SORCS1: variants seen among roughly 807,000 people sequenced by gnomAD.
SORCS1 encodes the protein VPS10 domain-containing receptor SorCS1.
In SORCS1, 60 loss-of-function variants were observed where a neutral mutation model predicts 146.1. The ratio of observed to expected loss-of-function variants is 0.41; its 90% CI spans 0.33 to 0.51. The LOEUF is 0.51. SORCS1 is among the 20% of genes least tolerant of loss of function. SORCS1 has a pLI of 0.21. For missense variants in SORCS1, 1,352 were observed against 1,487.6 expected, an observed-to-expected ratio of 0.91 and a Z score of 1.50; for synonymous variants, 637 against 584.0, an observed-to-expected ratio of 1.09 and a Z score of -1.31.
At chr10:106,833,049 T>C (rs1458820483) in intron 2 of SORCS1, among the ~76,000 whole-genome samples, 2 of 151,724 alleles carry the variant, frequency 1.3e-5, no homozygotes, top group East Asian at 3.9e-4. Flanking sequence ...TAAACTCTAA[T>C]CCCAATGTGA....
chr10:107,150,003 A>G (rs1968640850), intron 1 of SORCS1, among the ~76,000 whole-genome samples: 3 of 152,220 alleles, frequency 2.0e-5, no homozygotes, highest in Admixed American at 2.0e-4. Flanking sequence ...CCTCCCACTC[A>G]GGCAAAATTA....
chr10:106,921,856 T>G (rs187639177), intron 2 of SORCS1, among the ~76,000 whole-genome samples: 19 of 152,348 alleles, frequency 1.2e-4, no homozygotes, highest in Non-Finnish European at 1.3e-4. Context: ...TTCTTTGCTA[T>G]GTTGCCTGCA....
At chr10:107,007,381 G>C (rs949170209) in intron 1 of SORCS1, among the ~76,000 whole-genome samples, 2 of 152,142 alleles carry the variant, frequency 1.3e-5, no homozygotes, top group Non-Finnish European at 2.9e-5. Context: ...TTAAAACCGA[G>C]CTGCCATGCT....
chr10:106,992,350 T>G (rs769823667), intron 1 of SORCS1, among the ~76,000 whole-genome samples: 11 of 152,170 alleles, frequency 7.2e-5, no homozygotes, highest in Non-Finnish European at 1.5e-4. Context: ...GGTTTTGGAC[T>G]TAAAAGCAAT....
At chr10:106,882,245 T>C (rs917676463) in intron 2 of SORCS1, among the ~76,000 whole-genome samples, 1 of 151,516 alleles carries the variant, frequency 6.6e-6, no homozygotes, top group African/African-American at 2.4e-5. Flanking sequence ...ACACATAAAA[T>C]ACACTAACAT....
chr10:106,579,338 G>A lies in SORCS1; in HGVS notation c.3371+31C>T, dbSNP rs182934530. ...TGTCAGGGAGAAGGAAGAGGTCAGGGGTGGGGGAACGTGGATAGAGGGACA... is the reference window on the plus strand; with the variant it reads ...TGTCAGGGAGAAGGAAGAGGTCAGGAGTGGGGGAACGTGGATAGAGGGACA... On this transcript the variant is annotated intron_variant, in intron 25 of 25. Transcript: ENST00000263054. 6,061 of 1,613,964 alleles carry A rather than the reference G, an allele frequency of 3.8e-3. 18 individuals are homozygous for A. The highest frequency in any genetic ancestry group is 4.3e-3 in the Non-Finnish European group (5,076 of 1,179,946).
intron 8 of SORCS1, among the ~76,000 whole-genome samples, chr10:106,701,281 A>C (rs2135758305): frequency 6.6e-6 from 1 of 152,252 alleles, no homozygotes; most frequent in African/African-American, 2.4e-5. Flanking sequence ...TCCCTCTCAG[A>C]TATATTTCTA....
At chr10:106,899,074 T>C (rs997906234) in intron 2 of SORCS1, among the ~76,000 whole-genome samples, 1 of 152,220 alleles carries the variant, frequency 6.6e-6, no homozygotes, top group Non-Finnish European at 1.5e-5. Context: ...TTCCAGGTAG[T>C]GAAGGACCCA....
chr10:106,851,062 C>T (rs1234971917), intron 2 of SORCS1, among the ~76,000 whole-genome samples: 1 of 152,202 alleles, frequency 6.6e-6, no homozygotes, highest in African/African-American at 2.4e-5. Flanking sequence ...CCTGCACCAG[C>T]TAGCTTGAAA....
chr10:106,706,102 C>T (rs1257734114), intron 8 of SORCS1, among the ~76,000 whole-genome samples: 2 of 151,798 alleles, frequency 1.3e-5, no homozygotes, highest in African/African-American at 4.8e-5. Context: ...AAAACCAATA[C>T]ATATGGCTTG....
intron 1 of SORCS1, among the ~76,000 whole-genome samples, chr10:107,046,093 C>G (rs1959388791): frequency 6.6e-6 from 1 of 151,970 alleles, no homozygotes; most frequent in Non-Finnish European, 1.5e-5. Flanking sequence ...ACTACAGGCA[C>G]GTGCCACCAC....
chr10:106,583,948 C>A (rs1229569669), intron 24 of SORCS1, among the ~76,000 whole-genome samples: 1 of 152,178 alleles, frequency 6.6e-6, no homozygotes, highest in Non-Finnish European at 1.5e-5. Flanking sequence ...AAAGGACATT[C>A]CTGGAGAACT....
intron 2 of SORCS1, among the ~76,000 whole-genome samples, chr10:106,946,877 A>G (rs1954372836): frequency 6.6e-6 from 1 of 152,232 alleles, no homozygotes; most frequent in African/African-American, 2.4e-5. Flanking sequence ...GCATACAGGT[A>G]GGTCTAAGAG....
At chr10:106,730,387 G>A (rs143369792) in intron 5 of SORCS1, among the ~76,000 whole-genome samples, 2 of 152,196 alleles carry the variant, frequency 1.3e-5, no homozygotes, top group Non-Finnish European at 2.9e-5. Flanking sequence ...CAGGTCCTAC[G>A]CATGTTGGGT....
chr10:107,082,440 T>C (rs1426642075), intron 1 of SORCS1, among the ~76,000 whole-genome samples: 3 of 152,182 alleles, frequency 2.0e-5, no homozygotes, highest in African/African-American at 7.2e-5. Context: ...TGTTTACTAC[T>C]CCGAAGAAGT....
At chr10:107,059,776 T>C (rs891246466) in intron 1 of SORCS1, among the ~76,000 whole-genome samples, 2 of 152,024 alleles carry the variant, frequency 1.3e-5, no homozygotes, top group Non-Finnish European at 2.9e-5. Flanking sequence ...CAGAAGTCCG[T>C]CTGGCACATC....
chr10:106,821,127 A>AT (rs1948001739), intron 3 of SORCS1, among the ~76,000 whole-genome samples: 1 of 152,222 alleles, frequency 6.6e-6, no homozygotes, highest in African/African-American at 2.4e-5. Flanking sequence ...TTCCTTTTGT[A>AT]TTTGAGAATT....
In SORCS1 at chr10:106,776,567, T is replaced by G; in HGVS notation, c.852A>C (p.Glu284Asp). The G allele has an allele frequency of 6.2e-7, 1 of 1,614,060 alleles. No homozygotes were observed. The highest frequency in any genetic ancestry group is 8.5e-7 in the Non-Finnish European group (1 of 1,179,934). ...IQSLLFHPKQ[E>D]DWILAYSQDQ... ...CTTGACTGTATGCCAGAATCCAGTC[T>G]TCTTGTTTGGGGTGAAAAAGCAAGC... is the stretch of plus-strand genomic sequence containing the variant. The change falls in exon 4 of 26, where the codon GAA (glutamate) becomes GAC (aspartate). Residue 284 changes from glutamate to aspartate, a missense_variant. By Grantham distance (45) the Glu-to-Asp change is conservative. Around this residue, in one of 3 missense-constraint regions of SORCS1, gnomAD observed 490 missense variants for 489.1 expected, o/e 1.00. Coordinates refer to ENST00000263054, the MANE Select transcript of SORCS1 (RefSeq NM_052918.5).
chr10:106,687,372 C>T (rs949102144), intron 10 of SORCS1, among the ~76,000 whole-genome samples: 1 of 152,066 alleles, frequency 6.6e-6, no homozygotes, highest in Non-Finnish European at 1.5e-5. Flanking sequence ...TGTAAGGCAA[C>T]TAAAAGAAAG....
Sources: gnomAD v4.1 joint callset for allele counts (sites outside exome capture counted in the v4.1 genomes callset) on GRCh38, gnomAD v4.1.1 for gene constraint, gnomAD v4.1.1 regional missense constraint, MANE v1.5 for transcripts, NCBI Gene and HGNC (gene_info 2026-07-23, HGNC 2026-07-21) for gene names.